The following GALNT6 variants were observed in gnomAD, a reference collection of about 807,000 sequenced individuals.
GALNT6 encodes the protein GalNAc transferase 6.
In GALNT6, 51 loss-of-function variants were observed where a neutral mutation model predicts 65.9. The ratio of observed to expected loss-of-function variants is 0.77; its 90% CI spans 0.62 to 0.98. GALNT6 has a LOEUF of 0.98. Among genes scored for constraint, GALNT6 ranks in the 50% least tolerant of loss-of-function variants. The pLI, the probability that GALNT6 is intolerant of heterozygous loss-of-function variation, is 0.00. For synonymous variants in GALNT6, 323 were observed against 315.1 expected (o/e 1.02, Z -0.26); for missense variants, 708 against 803.3 (o/e 0.88, Z 1.43).
chr12:51,358,239 T>C lies in GALNT6; in HGVS notation c.1391A>G (p.Glu464Gly), dbSNP rs1420123586. 1 of 1,613,810 alleles carries C rather than the reference T, an allele frequency of 6.2e-7. No individual in the cohort carries two copies. The highest frequency in any genetic ancestry group is 1.1e-5 in the South Asian group (1 of 91,048). ...CAGTTGTTCCCTCAGCTGCAGTCGT[T>C]CCGAAATGTCACCGAAGGATTTCTG... is the stretch of plus-strand genomic sequence containing the variant. ...AQEKSFGDISERLQLREQLHC... is the reference protein window; with the variant it reads ...AQEKSFGDISGRLQLREQLHC... The change falls in exon 9 of 12, where the codon GAA becomes GGA. Residue 464 changes from glutamate (E) to glycine (G), a missense_variant. Physicochemically the swap from Glu to Gly is moderately conservative, Grantham distance 98. Transcript: ENST00000356317.
Position 51,352,566 on chromosome 12 carries a change from T to C in GALNT6, c.*1813A>G, listed in dbSNP as rs1484909641. 2.0e-5 allele frequency: 3 copies of C among 152,180 alleles called. No homozygotes were observed. The highest frequency in any genetic ancestry group is 7.2e-5 in the African/African-American group (3 of 41,434). 9.4% of individuals were successfully genotyped at this position (152,180 alleles called of 1,614,324 possible). On this transcript the variant is annotated 3_prime_UTR_variant, in exon 12 of 12. Coordinates refer to ENST00000356317, the MANE Select transcript of GALNT6 (RefSeq NM_007210.4). ...TTTATATGGGGCTTAGAAAAAAGGG[T>C]TCTGGGACAAACCTGAGAATCACTG...
At chr12:51,378,365 C>T (rs912865198) in intron 3 of GALNT6, among the ~76,000 whole-genome samples, 10 of 152,158 alleles carry the variant, frequency 6.6e-5, no homozygotes, top group African/African-American at 2.4e-4. Context: ...CCATGTTGGC[C>T]AGGCTGGTCT....
rs1946629743 is a variant in GALNT6, at chr12:51,352,226, G to A, written c.*2153C>T. On this transcript the variant is annotated 3_prime_UTR_variant, in exon 12 of 12. Coordinates refer to ENST00000356317, the MANE Select transcript of GALNT6 (RefSeq NM_007210.4). ...TGTGCAGTCGGGTCTGCTCCCCATG[G>A]GGGCTTTGATGTGGGCCCAGCAGTG... 1 of 152,230 alleles carries A rather than the reference G, an allele frequency of 6.6e-6. No individual in the cohort carries two copies. The highest frequency in any genetic ancestry group is 2.4e-5 in the African/African-American group (1 of 41,432). The allele number at this position is 152,230 out of a possible 1,614,324, so 9.4% of individuals were successfully genotyped here.
At chr12:51,372,071 G>T (rs143766001) in intron 4 of GALNT6, among the ~76,000 whole-genome samples, 274 of 152,178 alleles carry the variant, frequency 1.8e-3, no homozygotes, top group Admixed American at 3.1e-3. Flanking sequence ...CAAATTCCCT[G>T]GAATTAAATG....
At chr12:51,368,855 A>T (rs192825165) in intron 4 of GALNT6, among the ~76,000 whole-genome samples, 9 of 152,330 alleles carry the variant, frequency 5.9e-5, no homozygotes, top group African/African-American at 2.2e-4. Flanking sequence ...TCTGGGGGCC[A>T]GGACCTCAGG....
chr12:51,379,222 C>T (rs984816157), intron 3 of GALNT6, 69 bp downstream of exon 3: 2 of 1,461,302 alleles, frequency 1.4e-6, no homozygotes, highest in African/African-American at 1.4e-5. Context: ...TGATCTATGG[C>T]CCTGGCCATA....
intron 7 of GALNT6, chr12:51,360,276 G>A (rs1946877535): frequency 6.5e-6 from 1 of 153,052 alleles, no homozygotes; most frequent in South Asian, 2.1e-4. Flanking sequence ...AAACTTCAAA[G>A]GTTACCAGGG....
At chr12:51,384,981 GT>G (rs201152166) in intron 2 of GALNT6, among the ~76,000 whole-genome samples, 1,901 of 152,164 alleles carry the variant, frequency 0.012, 34 homozygotes, top group African/African-American at 0.044. Context: ...GCAAGTATTC[GT>G]TTTTTCTTTC....
In GALNT6 at chr12:51,390,262, A is replaced by G. The variant is rs555974804; in HGVS notation, c.-104+588T>C. On this transcript the variant is annotated intron_variant, in intron 2 of 11. Coordinates refer to ENST00000356317, the MANE Select transcript of GALNT6 (RefSeq NM_007210.4). ...ACTGCAACCTCTGCTTCCCAGGTTC[A>G]AACAATTCTCCTGCCTCAGCCTCCC... 1.9e-3 allele frequency among the ~76,000 whole-genome samples: 280 copies of G among 149,680 alleles called. 2 individuals are homozygous for G. The highest frequency in any genetic ancestry group is 6.6e-3 in the African/African-American group (268 of 40,550).
chr12:51,379,010 C>T (rs1188318898), intron 3 of GALNT6, among the ~76,000 whole-genome samples: 1 of 152,160 alleles, frequency 6.6e-6, no homozygotes, highest in Non-Finnish European at 1.5e-5. Context: ...GGTCCTGGTG[C>T]CAGGCTGAGT....
intron 11 of GALNT6, among the ~76,000 whole-genome samples, chr12:51,354,812 C>T (rs1946699423): frequency 6.6e-6 from 1 of 152,192 alleles, no homozygotes; most frequent in East Asian, 1.9e-4. Context: ...GCCACTGCTC[C>T]ACCTCCAATT....
chr12:51,391,600 C>A (rs1188010215), upstream of GALNT6: 3 of 147,536 alleles, frequency 2.0e-5, no homozygotes, highest in African/African-American at 7.3e-5. Context: ...CTGCCGCTTA[C>A]CTGTCGCGCC....
At chr12:51,354,546 C>A (rs1413573017) in intron 11 of GALNT6, 54 bp from the exon 12 acceptor site, 1 of 1,041,494 alleles carries the variant, frequency 9.6e-7, no homozygotes, top group Non-Finnish European at 1.4e-6. Context: ...CTTAACGGTG[C>A]TACCAGGGAC....
At chr12:51,372,989 T>C (rs1261284617) in intron 4 of GALNT6, among the ~76,000 whole-genome samples, 1 of 152,226 alleles carries the variant, frequency 6.6e-6, no homozygotes, top group African/African-American at 2.4e-5. Flanking sequence ...TTGGCTAATT[T>C]CTCCCATTTC....
At position 51,364,255 on chromosome 12, in the gene GALNT6, A is replaced by G. The variant is rs2137597631; in HGVS notation, c.915T>C (p.Thr305=). Residue 305 remains threonine (T), a synonymous_variant, in exon 6 of 12, where the codon ACT becomes ACC. Coordinates refer to ENST00000356317, the MANE Select transcript of GALNT6 (RefSeq NM_007210.4). The stretch of plus-strand genomic sequence containing the variant: ...TCTGGACGGGCTTGGCGAACTCAAA[A>G]GTATTAAGGTCGATGGTGACGATGT... ...SPDIVTIDLN[T]FEFAKPVQRG... 6.2e-7 allele frequency: 1 copy of G among 1,614,170 alleles called. No homozygotes were observed.
Position 51,387,792 on chromosome 12 carries a change from G to C in GALNT6, c.-104+3058C>G, listed in dbSNP as rs1947889037. Among the ~76,000 whole-genome samples the C allele has an allele frequency of 6.6e-6, 1 of 152,126 alleles. No individual in the cohort carries two copies. The highest frequency in any genetic ancestry group is 6.5e-5 in the Admixed American group (1 of 15,276). ...GAGTTGGGGGAAAGGACAGAGAAGGGACAGGGAAGTGATGAGAAGGGTGGA... is the reference window on the plus strand; with the variant it reads ...GAGTTGGGGGAAAGGACAGAGAAGGCACAGGGAAGTGATGAGAAGGGTGGA... On this transcript the variant is annotated intron_variant, in intron 2 of 11. Transcript: ENST00000356317. This position sits in a 1 kb window ranked among gnomAD's most constrained non-coding sequence, Gnocchi z 4.2.
chr12:51,377,120 T>G (rs1212653848), intron 4 of GALNT6, 75 bp downstream of exon 4: 3 of 1,318,862 alleles, frequency 2.3e-6, no homozygotes, highest in Non-Finnish European at 3.3e-6. Context: ...CCTGCTCCCT[T>G]GAAAGGAACT....
intron 2 of GALNT6, among the ~76,000 whole-genome samples, chr12:51,380,138 T>C (rs537530628): frequency 6.6e-6 from 1 of 152,218 alleles, no homozygotes; most frequent in Non-Finnish European, 1.5e-5. Context: ...GATTTAATCA[T>C]TAAACTCATG....
chr12:51,358,129 C>G lies in GALNT6; in HGVS notation c.1500+1G>C, dbSNP rs770218207. On this transcript the variant is annotated splice_donor_variant, in intron 9 of 11. Transcript: ENST00000356317. LOFTEE classifies it high-confidence loss of function. ...CAGGCAGGTTGGTTCTCAAGACTTA[C>G]GGCACCATAGAAGGTGGGCGTCAGG... is the stretch of plus-strand genomic sequence containing the variant. 1.9e-6 allele frequency: 3 copies of G among 1,612,636 alleles called. No individual in the cohort carries two copies. The highest frequency in any genetic ancestry group is 2.7e-5 in the African/African-American group (2 of 74,824).
Sources: gnomAD v4.1 joint callset for allele counts (sites outside exome capture counted in the v4.1 genomes callset) on GRCh38, gnomAD v4.1.1 for gene constraint, Gnocchi (gnomAD v3.1) non-coding constraint, MANE v1.5 for transcripts, NCBI Gene and HGNC (gene_info 2026-07-23, HGNC 2026-07-21) for gene names.